TIMM10B: variants seen among roughly 807,000 people sequenced by gnomAD.
The protein encoded by TIMM10B is mitochondrial import inner membrane translocase subunit Tim10 B.
TIMM10B carries 17 observed loss-of-function variants against 12.6 expected under a neutral mutation model. The ratio of observed to expected loss-of-function variants is 1.35; its 90% confidence interval spans 0.92 to 2.03. The LOEUF is 2.03. Among genes scored for constraint, TIMM10B ranks in the 30% most tolerant of loss-of-function variants. The pLI is 0.00. For missense variants in TIMM10B, 165 were observed against 133.3 expected (o/e 1.24, Z -1.17); for synonymous variants, 63 against 51.3 (o/e 1.23, Z -0.97).
rs1020885323 is a variant in TIMM10B, at chr11:6,484,441, C to T, written c.*2220C>T. 6.6e-6 allele frequency: 1 copy of T among 152,118 alleles called. No individual in the cohort carries two copies. The highest frequency in any genetic ancestry group is 1.5e-5 in the Non-Finnish European group (1 of 68,014). The allele number at this position is 152,118 out of a possible 1,614,324, so 9.4% of individuals were successfully genotyped here. ...AGTGGTTCCAATCATGTTTTTTGCC[C>T]CCTTTAGCTGCTATCTCTTGAACAG... On this transcript the variant is annotated 3_prime_UTR_variant, in exon 3 of 3. Transcript: ENST00000254616.
chr11:6,482,070 GGA>G lies in TIMM10B; in HGVS notation c.162_163del (p.Lys55AlafsTer39). On this transcript the variant is annotated frameshift_variant, in exon 3 of 3. Transcript: ENST00000254616. LOFTEE classifies it high-confidence loss of function. ...GAGGCCTGTCTGCACAGCTGTGCTGGGAAGCTGATCCATTCCAACCACCGCCT... is the reference window on the plus strand; with the variant it reads ...GAGGCCTGTCTGCACAGCTGTGCTGGAGCTGATCCATTCCAACCACCGCCT... 1 of 1,613,868 alleles carries G rather than the reference GGA, an allele frequency of 6.2e-7. No individual in the cohort carries two copies. Among genetic ancestry groups the G allele is most frequent in the Non-Finnish European group, 8.5e-7 (1 of 1,179,842 alleles).
Position 6,482,988 on chromosome 11 carries a change from G to C in TIMM10B, c.*767G>C, listed in dbSNP as rs956829616. On this transcript the variant is annotated 3_prime_UTR_variant, in exon 3 of 3. Coordinates refer to ENST00000254616, the MANE Select transcript of TIMM10B (RefSeq NM_012192.4). ...AAGTCTGGAGTCTTTTGGAACTTCA[G>C]CCATTTCCCCAGGTTGTTACTTTCT... 1.3e-5 allele frequency: 2 copies of C among 152,180 alleles called. No homozygotes were observed. Among genetic ancestry groups the C allele is most frequent in the African/African-American group, 4.8e-5 (2 of 41,432 alleles). The allele number at this position is 152,180 out of a possible 1,614,324, so 9.4% of individuals were successfully genotyped here.
chr11:6,484,341 C>G lies in TIMM10B; in HGVS notation c.*2120C>G, dbSNP rs933414122. 1 of 152,202 alleles carries G rather than the reference C, an allele frequency of 6.6e-6. No individual in the cohort carries two copies. Among genetic ancestry groups the G allele is most frequent in the Non-Finnish European group, 1.5e-5 (1 of 68,050 alleles). 9.4% of individuals were successfully genotyped at this position (152,202 alleles called of 1,614,324 possible). On this transcript the variant is annotated 3_prime_UTR_variant, in exon 3 of 3. Coordinates refer to ENST00000254616, the MANE Select transcript of TIMM10B (RefSeq NM_012192.4). Reference sequence around the variant, plus strand: ...ACTCCTGACCTTGTGATCCGCCCGCCTCGGCCTCCAAAAGTGCTGGGATTA... The same window carrying G: ...ACTCCTGACCTTGTGATCCGCCCGCGTCGGCCTCCAAAAGTGCTGGGATTA...
chr11:6,481,537 G>T lies in TIMM10B; in HGVS notation c.21G>T (p.Gln7His). Reference sequence around the variant, plus strand: ...GCGTGATGGAGCGGCAGCAGCAGCAGCAACAGCAACTGCGAAACGTAAGTG... The same window carrying T: ...GCGTGATGGAGCGGCAGCAGCAGCATCAACAGCAACTGCGAAACGTAAGTG... MERQQQ[Q>H]QQQLRNLRDF... Residue 7 changes from glutamine to histidine, a missense_variant, in exon 1 of 3, where the codon CAG becomes CAT. Transcript: ENST00000254616. 6.2e-7 allele frequency: 1 copy of T among 1,611,054 alleles called. No individual in the cohort carries two copies.
Position 6,482,516 on chromosome 11 carries a change from C to T in TIMM10B, c.*295C>T, listed in dbSNP as rs1851836705. 9 of 362,636 alleles carry T rather than the reference C, an allele frequency of 2.5e-5. No individual in the cohort carries two copies. In the South Asian group the frequency reaches 4.2e-4, roughly 17 times the overall value. The allele number at this position is 362,636 out of a possible 1,614,324, so 22.5% of individuals were successfully genotyped here. On this transcript the variant is annotated 3_prime_UTR_variant, in exon 3 of 3. Transcript: ENST00000254616. ...TTGTTTTCTATATGTAGAAGGAAAA[C>T]CTGAGCATTTGCAGGCATCTGGTTA...
In TIMM10B at chr11:6,482,295, T is replaced by G. The variant is rs1851827208; in HGVS notation, c.*74T>G. ...AGGACCCGGTGGACCTTGGGGTTGG[T>G]GAATCCTAAACAGAGAGAATTCGAG... On this transcript the variant is annotated 3_prime_UTR_variant, in exon 3 of 3. Transcript: ENST00000254616. 1.4e-6 allele frequency: 2 copies of G among 1,423,006 alleles called. No individual in the cohort carries two copies. The highest frequency in any genetic ancestry group is 1.9e-6 in the Non-Finnish European group (2 of 1,053,148). 88.1% of individuals were successfully genotyped at this position (1,423,006 alleles called of 1,614,324 possible).
In TIMM10B at chr11:6,481,502, T is replaced by G; in HGVS notation, c.-15T>G. On this transcript the variant is annotated 5_prime_UTR_variant, in exon 1 of 3. It removes an upstream start codon present in the reference 5' UTR. Coordinates refer to ENST00000254616, the MANE Select transcript of TIMM10B (RefSeq NM_012192.4). Reference sequence around the variant, plus strand: ...GCTGAAACGGAAGTGGCGTACGGCATGCGCCGGTGGCGTGATGGAGCGGCA... The same window carrying G: ...GCTGAAACGGAAGTGGCGTACGGCAGGCGCCGGTGGCGTGATGGAGCGGCA... 1 of 1,610,738 alleles carries G rather than the reference T, an allele frequency of 6.2e-7. No homozygotes were observed. Among genetic ancestry groups the G allele is most frequent in the Non-Finnish European group, 8.5e-7 (1 of 1,179,588 alleles).
At position 6,482,336 on chromosome 11, in the gene TIMM10B, G is replaced by A; in HGVS notation, c.*115G>A. 1 of 987,748 alleles carries A rather than the reference G, an allele frequency of 1.0e-6. No homozygotes were observed. The highest frequency in any genetic ancestry group is 2.6e-5 in the East Asian group (1 of 37,792). The allele number at this position is 987,748 out of a possible 1,614,324, so 61.2% of individuals were successfully genotyped here. A position where few individuals can be genotyped will look rare whatever the true frequency, so the allele number is the denominator to read the frequency against. The stretch of plus-strand genomic sequence containing the variant: ...AGAATTCGAGGTTGCCTGAAAGCTG[G>A]GTGTCCTTGCTCCTTTTCCTGGAGC... On this transcript the variant is annotated 3_prime_UTR_variant, in exon 3 of 3. Coordinates refer to ENST00000254616, the MANE Select transcript of TIMM10B (RefSeq NM_012192.4).
At chr11:6,481,942 T>C (rs1032288429) in intron 2 of TIMM10B, 90 bp downstream of exon 2, 1 of 1,600,416 alleles carries the variant, frequency 6.2e-7, no homozygotes, top group Non-Finnish European at 8.5e-7. Context: ...CCTCTGGCCC[T>C]GGCCTTCCCA....
In TIMM10B at chr11:6,481,533, A is replaced by C. The variant is rs1419299795; in HGVS notation, c.17A>C (p.Gln6Pro). The change falls in exon 1 of 3, where the codon CAG (glutamine) becomes CCG (proline). Residue 6 changes from glutamine to proline, a missense_variant. Transcript: ENST00000254616. ...GGTGGCGTGATGGAGCGGCAGCAGC[A>C]GCAGCAACAGCAACTGCGAAACGTA... MERQQ[Q>P]QQQQLRNLRD... is the part of the protein sequence containing the mutation. The C allele has an allele frequency of 1.2e-6, 2 of 1,611,896 alleles. No homozygotes were observed. Among genetic ancestry groups the C allele is most frequent in the East Asian group, 2.2e-5 (1 of 44,826 alleles).
rs1394171429 is a variant in TIMM10B, at chr11:6,482,179, C to A, written c.270C>A (p.Gly90=). 3.1e-6 allele frequency: 5 copies of A among 1,610,596 alleles called. No homozygotes were observed. In the South Asian group the frequency reaches 5.5e-5, roughly 18 times the overall value. ...ACGAGGCTGCCTCGGCTGTGCCAGG[C>A]GTTGCTGCTGAACAGCCTGGGGTCT... ...ADYEAASAVP[G]VAAEQPGVSP... Residue 90 remains glycine, a synonymous_variant, in exon 3 of 3, where the codon GGC becomes GGA. Transcript: ENST00000254616.
chr11:6,482,034 C>T lies in TIMM10B; in HGVS notation c.136-11C>T, dbSNP rs1256913719. On this transcript the variant is annotated splice_polypyrimidine_tract_variant and intron_variant, in intron 2 of 2. Transcript: ENST00000254616. Reference sequence around the variant, plus strand: ...CCTTTATCCTCCACTTAAACCCTATCTTCCTTCTAGGAGGCCTGTCTGCAC... The same window carrying T: ...CCTTTATCCTCCACTTAAACCCTATTTTCCTTCTAGGAGGCCTGTCTGCAC... 2 of 1,608,590 alleles carry T rather than the reference C, an allele frequency of 1.2e-6. No individual in the cohort carries two copies. Among genetic ancestry groups the T allele is most frequent in the East Asian group, 2.2e-5 (1 of 44,732 alleles).
chr11:6,482,286 T>G lies in TIMM10B; in HGVS notation c.*65T>G, dbSNP rs575428459. ...TCAGATTGAAGGACCCGGTGGACCT[T>G]GGGGTTGGTGAATCCTAAACAGAGA... On this transcript the variant is annotated 3_prime_UTR_variant, in exon 3 of 3. Transcript: ENST00000254616. 4.1e-6 allele frequency: 6 copies of G among 1,469,206 alleles called. No homozygotes were observed. The South Asian group carries it at 6.1e-5, about 15-fold the overall frequency. 91.0% of individuals were successfully genotyped at this position (1,469,206 alleles called of 1,614,324 possible).
At position 6,483,486 on chromosome 11, in the gene TIMM10B, C is replaced by T. The variant is rs909620753; in HGVS notation, c.*1265C>T. On this transcript the variant is annotated 3_prime_UTR_variant, in exon 3 of 3. Coordinates refer to ENST00000254616, the MANE Select transcript of TIMM10B (RefSeq NM_012192.4). ...TCCACTTATTCTGTCTTTTCCATTC[C>T]TTCATTCAAACTGCTAGAGAAAAAC... is the stretch of plus-strand genomic sequence containing the variant. The T allele has an allele frequency of 2.0e-5, 3 of 152,244 alleles. No individual in the cohort carries two copies. Among genetic ancestry groups the T allele is most frequent in the African/African-American group, 7.2e-5 (3 of 41,436 alleles). The allele number at this position is 152,244 out of a possible 1,614,324, so 9.4% of individuals were successfully genotyped here. A position where few individuals can be genotyped will look rare whatever the true frequency, so the allele number is the denominator to read the frequency against.
rs774235484 is a variant in TIMM10B at position 6,482,221 on chromosome 11, G to A, written c.312G>A (p.Ter104=). 3 of 1,600,258 alleles carry A rather than the reference G, an allele frequency of 1.9e-6. No homozygotes were observed. The African/African-American group carries it at 4.0e-5, about 21-fold the overall frequency. Residue 104 remains the stop codon, a stop_retained_variant, in exon 3 of 3, where the codon TAG becomes TAA. Coordinates refer to ENST00000254616, the MANE Select transcript of TIMM10B (RefSeq NM_012192.4). ...CTGGGGTCTCTCCATCAGGCAGCTA[G>A]CCATACCCAACCCCAGGAAGGAAGG... is the stretch of plus-strand genomic sequence containing the variant. ...EQPGVSPSGS[*] is the part of the protein sequence containing the mutation.
rs1461397211 is a variant in TIMM10B at position 6,481,542 on chromosome 11, A to G, written c.26A>G (p.Gln9Arg). Reference protein sequence around the residue: MERQQQQQQQLRNLRDFLL... With the variant: MERQQQQQRQLRNLRDFLL... ...ATGGAGCGGCAGCAGCAGCAGCAAC[A>G]GCAACTGCGAAACGTAAGTGAGAAC... Residue 9 changes from glutamine (Q) to arginine (R), a missense_variant, in exon 1 of 3, where the codon CAG becomes CGG. Transcript: ENST00000254616. 2.5e-6 allele frequency: 4 copies of G among 1,610,928 alleles called. No individual in the cohort carries two copies. Among genetic ancestry groups the G allele is most frequent in the Admixed American group, 1.7e-5 (1 of 59,492 alleles).
Position 6,481,512 on chromosome 11 carries a change from G to T in TIMM10B, c.-5G>T. On this transcript the variant is annotated 5_prime_UTR_variant, in exon 1 of 3. Transcript: ENST00000254616. ...AAGTGGCGTACGGCATGCGCCGGTG[G>T]CGTGATGGAGCGGCAGCAGCAGCAG... The T allele has an allele frequency of 3.7e-6, 6 of 1,612,892 alleles. No homozygotes were observed. Among genetic ancestry groups the T allele is most frequent in the Non-Finnish European group, 5.1e-6 (6 of 1,179,874 alleles).
In TIMM10B at chr11:6,483,789, A is replaced by G. The variant is rs1294824233; in HGVS notation, c.*1568A>G. 1 of 152,184 alleles carries G rather than the reference A, an allele frequency of 6.6e-6. No individual in the cohort carries two copies. The highest frequency in any genetic ancestry group is 1.5e-5 in the Non-Finnish European group (1 of 68,038). 9.4% of individuals were successfully genotyped at this position (152,184 alleles called of 1,614,324 possible). A position where few individuals can be genotyped will look rare whatever the true frequency, so the allele number is the denominator to read the frequency against. ...CTTCTTACAACTACCTACAAAGCAG[A>G]TGTTCTATCCTATCTACAGAGCAGA... On this transcript the variant is annotated 3_prime_UTR_variant, in exon 3 of 3. Coordinates refer to ENST00000254616, the MANE Select transcript of TIMM10B (RefSeq NM_012192.4).
chr11:6,482,196 C>T lies in TIMM10B; in HGVS notation c.287C>T (p.Pro96Leu), dbSNP rs1405191026. The change falls in exon 3 of 3, where the codon CCT (proline) becomes CTT (leucine). Residue 96 changes from proline (P) to leucine (L), a missense_variant. Coordinates refer to ENST00000254616, the MANE Select transcript of TIMM10B (RefSeq NM_012192.4). ...GTGCCAGGCGTTGCTGCTGAACAGC[C>T]TGGGGTCTCTCCATCAGGCAGCTAG... is the stretch of plus-strand genomic sequence containing the variant. The part of the protein sequence containing the change: ...SAVPGVAAEQ[P>L]GVSPSGS The T allele has an allele frequency of 1.2e-6, 2 of 1,608,562 alleles. No individual in the cohort carries two copies. Among genetic ancestry groups the T allele is most frequent in the African/African-American group, 1.3e-5 (1 of 75,038 alleles).
Sources: allele counts gnomAD v4.1 joint callset, GRCh38; gene constraint gnomAD v4.1.1; transcripts MANE v1.5; gene names NCBI Gene and HGNC (gene_info 2026-07-23, HGNC 2026-07-21).